SORCS2: variants seen among roughly 807,000 people sequenced by gnomAD.
The protein encoded by SORCS2 is sortilin related VPS10 domain containing receptor 2, also known as VPS10 domain-containing receptor SorCS2.
SORCS2 carries 100 observed loss-of-function variants against 141.6 expected under a neutral mutation model. The observed-to-expected ratio is 0.71, with a 90% CI of 0.60 to 0.83. SORCS2 has a LOEUF of 0.83. SORCS2 is among the 40% of genes least tolerant of loss of function. SORCS2 has a pLI of 0.00. For synonymous variants in SORCS2, 789 were observed against 676.9 expected, an observed-to-expected ratio of 1.17 and a Z score of -2.57; for missense variants, 1,646 against 1,560.2, an observed-to-expected ratio of 1.05 and a Z score of -0.93.
intron 3 of SORCS2, among the ~76,000 whole-genome samples, chr4:7,537,578 A>G (rs560546492): frequency 6.6e-6 from 1 of 152,196 alleles, no homozygotes; most frequent in African/African-American, 2.4e-5. Flanking sequence ...TTATGTACCT[A>G]CTATGCACTG....
At chr4:7,723,607 ATGAGTGAG>A (rs199708011) in intron 18 of SORCS2, 82 bp from the exon 19 acceptor site, 20 of 1,402,902 alleles carry the variant, frequency 1.4e-5, no homozygotes, top group African/African-American at 1.4e-4. Flanking sequence ...CAATGAATGA[ATGAGTGAG>A]TGAGTGAGTG....
chr4:7,302,655 T>A lies in SORCS2; in HGVS notation c.481-93633T>A, dbSNP rs185362811. On this transcript the variant is annotated intron_variant, in intron 1 of 26. Transcript: ENST00000507866. ...TGGACTTAACCATGTAATTTCCCAT[T>A]TATTTTGTCTCTCATCTGTCTTCTC... Among the ~76,000 whole-genome samples, 254 of 152,226 alleles carry A rather than the reference T, an allele frequency of 1.7e-3. 1 individual carries two copies. The highest frequency in any genetic ancestry group is 5.9e-3 in the African/African-American group (244 of 41,526).
At chr4:7,385,693 G>T (rs777621848) in intron 1 of SORCS2, among the ~76,000 whole-genome samples, 1 of 152,198 alleles carries the variant, frequency 6.6e-6, no homozygotes, top group African/African-American at 2.4e-5. Context: ...AGCCACCACC[G>T]TTCCCATGTG....
intron 1 of SORCS2, among the ~76,000 whole-genome samples, chr4:7,314,829 T>TTTG (rs1560185676): frequency 1.0e-4 from 12 of 116,576 alleles, no homozygotes; most frequent in African/African-American, 3.5e-4. Flanking sequence ...TTTTTTTTTT[T>TTTG]ATTGTTGTTG....
chr4:7,535,019 C>T (rs7696497), intron 3 of SORCS2, among the ~76,000 whole-genome samples: 53,753 of 152,072 alleles, frequency 0.35, 11,661 homozygotes, highest in East Asian at 0.89. Context: ...GAACTGGCCT[C>T]CCGTGGGCCC....
intron 2 of SORCS2, among the ~76,000 whole-genome samples, chr4:7,527,424 G>T (rs1175462504): frequency 6.6e-6 from 1 of 152,248 alleles, no homozygotes; most frequent in African/African-American, 2.4e-5. Context: ...GTGACGGGAG[G>T]CTGTGACGGG....
intron 15 of SORCS2, 123 bp from the exon 16 acceptor site, chr4:7,714,117 G>T: frequency 7.2e-7 from 1 of 1,392,358 alleles, no homozygotes; most frequent in Non-Finnish European, 9.5e-7. Context: ...ATGGGCCTCA[G>T]TTTCCCCATC....
chr4:7,298,497 G>T lies in SORCS2; in HGVS notation c.481-97791G>T, dbSNP rs569047110. ...TCTGATCGGTCAGCGACCCAGGCAAGGGTAGAACTACTGACCAGGGTGCCC... is the reference window on the plus strand; with the variant it reads ...TCTGATCGGTCAGCGACCCAGGCAATGGTAGAACTACTGACCAGGGTGCCC... On this transcript the variant is annotated intron_variant, in intron 1 of 26. Coordinates refer to ENST00000507866, the MANE Select transcript of SORCS2 (RefSeq NM_020777.3). Among the ~76,000 whole-genome samples, 4 of 152,324 alleles carry T rather than the reference G, an allele frequency of 2.6e-5. No individual in the cohort carries two copies. In the East Asian group the frequency reaches 7.7e-4, roughly 29 times the overall value.
chr4:7,249,798 A>G (rs1713358554), intron 1 of SORCS2, among the ~76,000 whole-genome samples: 1 of 152,198 alleles, frequency 6.6e-6, no homozygotes, highest in East Asian at 1.9e-4. Flanking sequence ...ATAGACGACA[A>G]GAAAAAAGAT....
At chr4:7,373,571 C>T (rs2109050396) in intron 1 of SORCS2, among the ~76,000 whole-genome samples, 1 of 140,302 alleles carries the variant, frequency 7.1e-6, no homozygotes, top group East Asian at 2.2e-4. Context: ...CTGTTTACTG[C>T]AACCTCCACC....
intron 8 of SORCS2, among the ~76,000 whole-genome samples, chr4:7,670,069 C>T (rs887153670): frequency 3.3e-5 from 5 of 152,192 alleles, no homozygotes; most frequent in African/African-American, 1.2e-4. Flanking sequence ...CTAAGAAGAA[C>T]AACTTCAGAA....
chr4:7,671,670 G>T (rs557078310), intron 8 of SORCS2, among the ~76,000 whole-genome samples: 6 of 152,254 alleles, frequency 3.9e-5, no homozygotes, highest in African/African-American at 1.4e-4. Flanking sequence ...CTGAGGAGCA[G>T]AAAGAATAAG....
chr4:7,264,380 G>A (rs369048737), intron 1 of SORCS2, among the ~76,000 whole-genome samples: 2 of 152,182 alleles, frequency 1.3e-5, no homozygotes, highest in Non-Finnish European at 2.9e-5. Context: ...TGCTTGTCCA[G>A]GGGCATGGGA....
At chr4:7,701,583 A>G in intron 12 of SORCS2, among the ~76,000 whole-genome samples, 1 of 152,168 alleles carries the variant, frequency 6.6e-6, no homozygotes, top group East Asian at 1.9e-4. Flanking sequence ...TGTAAGTGTC[A>G]CGGAAGCATT....
chr4:7,351,280 G>A (rs568519120), intron 1 of SORCS2, among the ~76,000 whole-genome samples: 86 of 152,260 alleles, frequency 5.6e-4, no homozygotes, highest in Non-Finnish European at 9.1e-4. Context: ...TGCTCACAAC[G>A]GAACCTTGTC....
At chr4:7,708,138 T>TA (rs1272818932) in intron 14 of SORCS2, among the ~76,000 whole-genome samples, 4 of 152,188 alleles carry the variant, frequency 2.6e-5, no homozygotes, top group Non-Finnish European at 5.9e-5. Flanking sequence ...CATGGGGACT[T>TA]AAACTCCACG....
At chr4:7,627,070 C>T (rs866170733) in intron 3 of SORCS2, among the ~76,000 whole-genome samples, 124 of 152,328 alleles carry the variant, frequency 8.1e-4, no homozygotes, top group African/African-American at 2.6e-3. Context: ...ACTGCAACCT[C>T]TGCCTCCCAG....
intron 1 of SORCS2, among the ~76,000 whole-genome samples, chr4:7,226,698 G>C (rs1729011398): frequency 1.3e-5 from 2 of 152,190 alleles, no homozygotes; most frequent in South Asian, 2.1e-4. Flanking sequence ...TTAAGATGCA[G>C]TGGCCCTGCG....
At chr4:7,242,044 T>C (rs1030589520) in intron 1 of SORCS2, among the ~76,000 whole-genome samples, 4 of 152,178 alleles carry the variant, frequency 2.6e-5, no homozygotes, top group Non-Finnish European at 4.4e-5. Context: ...CCTACCTCTC[T>C]GTTATTACAT....
Sources: gnomAD v4.1 joint callset for allele counts (sites outside exome capture counted in the v4.1 genomes callset) on GRCh38, gnomAD v4.1.1 for gene constraint, MANE v1.5 for transcripts, NCBI Gene and HGNC (gene_info 2026-07-23, HGNC 2026-07-21) for gene names.